The following SIL1 variants were observed in gnomAD, a reference collection of about 807,000 sequenced individuals.
The protein encoded by SIL1 is SIL1 nucleotide exchange factor, also known as nucleotide exchange factor SIL1.
SIL1 carries 40 observed loss-of-function variants against 49.1 expected under a neutral mutation model. The ratio of observed to expected loss-of-function variants is 0.81; its 90% CI spans 0.63 to 1.06. SIL1 has a LOEUF of 1.06. Among genes scored for constraint, SIL1 ranks in the 50% least tolerant of loss-of-function variants. The pLI is 0.00. For synonymous variants in SIL1, 253 were observed against 250.8 expected (o/e 1.01, Z -0.08); for missense variants, 500 against 572.6 (o/e 0.87, Z 1.29).
At chr5:139,000,075 T>C (rs1325189445) in intron 7 of SIL1, among the ~76,000 whole-genome samples, 4 of 152,224 alleles carry the variant, frequency 2.6e-5, no homozygotes, top group Non-Finnish European at 4.4e-5. Context: ...CATTTTTCCC[T>C]GTTCAGTACA....
Position 139,031,544 on chromosome 5 carries a change from G to T in SIL1, c.454-4552C>A, listed in dbSNP as rs1366495924. On this transcript the variant is annotated intron_variant, in intron 5 of 9. Coordinates refer to ENST00000394817, the MANE Select transcript of SIL1 (RefSeq NM_022464.5). ...ACAGAGTAAGCCTTAAAATCAGGTG[G>T]TGTGTTTTCTTCCACTTATTCTTCT... 2.0e-5 allele frequency among the ~76,000 whole-genome samples: 3 copies of T among 152,100 alleles called. No homozygotes were observed. In the South Asian group the frequency reaches 6.2e-4, roughly 31 times the overall value.
rs1410715058 is a variant in SIL1 at position 139,121,263 on chromosome 5, T to A, written c.106-90A>T. The A allele has an allele frequency of 1.0e-5, 16 of 1,538,996 alleles. No individual in the cohort carries two copies. In the African/African-American group the frequency reaches 1.4e-4, roughly 13 times the overall value. ...GGCCTAGGGTGGCACGTTCTTTTCC[T>A]CCATGCCCCTCTCCCCCACAGCCTG... On this transcript the variant is annotated intron_variant, in intron 2 of 9. Transcript: ENST00000394817.
chr5:138,999,057 A>G (rs1561821309), intron 7 of SIL1, among the ~76,000 whole-genome samples: 1 of 151,906 alleles, frequency 6.6e-6, no homozygotes, highest in Admixed American at 6.6e-5. Context: ...GGGTTTCACT[A>G]TGTTGGCCAG....
intron 5 of SIL1, 115 bp from the exon 6 acceptor site, chr5:139,027,107 T>A: frequency 1.1e-6 from 1 of 925,518 alleles, no homozygotes; most frequent in South Asian, 1.4e-5. Context: ...CTCACAGTCT[T>A]CTCTCATCTA....
chr5:139,185,228 C>T (rs1233646473), intron 1 of SIL1, among the ~76,000 whole-genome samples: 1 of 152,094 alleles, frequency 6.6e-6, no homozygotes, highest in Non-Finnish European at 1.5e-5. Context: ...TGTGAGTGTA[C>T]CTTGAAATGG....
chr5:139,038,292 G>A (rs1432768046), intron 5 of SIL1, among the ~76,000 whole-genome samples: 1 of 152,108 alleles, frequency 6.6e-6, no homozygotes, highest in Non-Finnish European at 1.5e-5. Context: ...GACATTTTGG[G>A]TATTAAGTTA....
chr5:139,071,064 C>A (rs1769821412), intron 3 of SIL1, among the ~76,000 whole-genome samples: 1 of 151,986 alleles, frequency 6.6e-6, no homozygotes, highest in Non-Finnish European at 1.5e-5. Context: ...CCGATTGAGC[C>A]CCTGGATCCA....
chr5:139,113,347 C>T (rs1770916609), intron 3 of SIL1, among the ~76,000 whole-genome samples: 1 of 151,566 alleles, frequency 6.6e-6, no homozygotes, highest in African/African-American at 2.4e-5. Context: ...AAAAGTTTCA[C>T]ACCTTTAAAT....
At chr5:139,161,127 C>T (rs1751504897) in intron 1 of SIL1, among the ~76,000 whole-genome samples, 1 of 151,946 alleles carries the variant, frequency 6.6e-6, no homozygotes, top group African/African-American at 2.4e-5. Context: ...CCTGTAATTC[C>T]AGCTACTCAG....
chr5:138,994,152 T>C (rs992736715), intron 7 of SIL1, among the ~76,000 whole-genome samples: 7 of 152,110 alleles, frequency 4.6e-5, no homozygotes, highest in African/African-American at 1.4e-4. Context: ...GTATTAAAGG[T>C]GCTAGACATT....
chr5:139,002,643 A>T (rs956813358), intron 7 of SIL1, among the ~76,000 whole-genome samples: 9 of 152,192 alleles, frequency 5.9e-5, no homozygotes, highest in African/African-American at 2.2e-4. Context: ...AAACATAAAG[A>T]GCTGTATTGT....
chr5:139,168,833 G>T lies in SIL1; in HGVS notation c.-11+29436C>A, dbSNP rs539809485. Among the ~76,000 whole-genome samples the T allele has an allele frequency of 8.6e-5, 13 of 151,912 alleles. No individual in the cohort carries two copies. In the East Asian group the frequency reaches 2.5e-3, roughly 29 times the overall value. Reference sequence around the variant, plus strand: ...AAAAATTAAGTGGGCCTGACGGCACGTGTCTGTAGTCCCAGTTACTCTGGA... The same window carrying T: ...AAAAATTAAGTGGGCCTGACGGCACTTGTCTGTAGTCCCAGTTACTCTGGA... On this transcript the variant is annotated intron_variant, in intron 1 of 9. Coordinates refer to ENST00000394817, the MANE Select transcript of SIL1 (RefSeq NM_022464.5).
chr5:139,090,705 A>G (rs1770325474), intron 3 of SIL1, among the ~76,000 whole-genome samples: 1 of 152,152 alleles, frequency 6.6e-6, no homozygotes, highest in Non-Finnish European at 1.5e-5. Context: ...CTTGGGCCCA[A>G]GCGATTCTCC....
intron 3 of SIL1, among the ~76,000 whole-genome samples, chr5:139,066,233 C>G (rs1013274004): frequency 3.9e-5 from 6 of 152,200 alleles, no homozygotes; most frequent in Non-Finnish European, 7.3e-5. Context: ...CTAATGAAAT[C>G]CTTGCTGATA....
intron 1 of SIL1, among the ~76,000 whole-genome samples, chr5:139,169,430 G>A (rs529497722): frequency 4.0e-4 from 60 of 151,236 alleles, no homozygotes; most frequent in African/African-American, 1.4e-3. Flanking sequence ...CAATGAAACA[G>A]AAAAGTATGG....
intron 4 of SIL1, among the ~76,000 whole-genome samples, chr5:139,046,314 A>C (rs1581056214): frequency 6.7e-6 from 1 of 149,808 alleles, no homozygotes; most frequent in Middle Eastern, 3.4e-3. Context: ...GTAGCAGAGC[A>C]AGACACCGTC....
At chr5:139,104,904 C>CT (rs529040420) in intron 3 of SIL1, among the ~76,000 whole-genome samples, 5 of 152,152 alleles carry the variant, frequency 3.3e-5, no homozygotes, top group Admixed American at 6.5e-5. Context: ...AGACTGTCCT[C>CT]TTTTCCTGAC....
At chr5:139,093,965 G>T (rs1244212881) in intron 3 of SIL1, 2 of 152,148 alleles carry the variant, frequency 1.3e-5, no homozygotes, top group African/African-American at 4.8e-5. Flanking sequence ...GCCAGTCCTG[G>T]ATCATGTTTC....
chr5:139,132,314 T>C (rs1750881667), intron 1 of SIL1, among the ~76,000 whole-genome samples: 1 of 151,766 alleles, frequency 6.6e-6, no homozygotes, highest in Non-Finnish European at 1.5e-5. Flanking sequence ...GTGAGAGAAA[T>C]GGTAGCTCCC....
Sources: gnomAD v4.1 joint callset for allele counts (sites outside exome capture counted in the v4.1 genomes callset) on GRCh38, gnomAD v4.1.1 for gene constraint, MANE v1.5 for transcripts, NCBI Gene and HGNC (gene_info 2026-07-23, HGNC 2026-07-21) for gene names.